Variants in ODF2L observed in about 807,000 individuals in gnomAD.
ODF2L encodes protein BCAP.
In ODF2L, 76 loss-of-function variants were observed where a neutral mutation model predicts 86.3. The ratio of observed to expected loss-of-function variants is 0.88; its 90% CI spans 0.73 to 1.07. The LOEUF (loss-of-function observed/expected upper bound fraction) is 1.07, where lower values mean the gene tolerates loss of function less well. Ranked by LOEUF, ODF2L falls within the 50% of genes least tolerant of loss-of-function variation. The pLI, the probability that ODF2L is intolerant of heterozygous loss-of-function variation, is 0.00. For synonymous variants in ODF2L, 241 were observed against 231.3 expected, an observed-to-expected ratio of 1.04 and a Z score of -0.38; for missense variants, 748 against 717.4, an observed-to-expected ratio of 1.04 and a Z score of -0.49.
intron 7 of ODF2L, among the ~76,000 whole-genome samples, chr1:86,381,031 C>G (rs1660548611): frequency 6.6e-6 from 1 of 150,966 alleles, no homozygotes; most frequent in South Asian, 2.1e-4. Context: ...AATTCTGAAC[C>G]CCTTAATCAC....
intron 14 of ODF2L, chr1:86,355,378 CA>C: frequency 6.5e-7 from 1 of 1,532,598 alleles, no homozygotes; most frequent in Non-Finnish European, 8.8e-7. Flanking sequence ...CCCACTGCTT[CA>C]AAATCTGCTC....
chr1:86,375,603 A>G (rs1660113003), intron 8 of ODF2L, among the ~76,000 whole-genome samples: 1 of 152,302 alleles, frequency 6.6e-6, no homozygotes, highest in East Asian at 1.9e-4. Flanking sequence ...ACAAAGCACT[A>G]AGGCCATTTT....
intron 14 of ODF2L, chr1:86,355,397 T>A (rs1296743199): frequency 2.7e-6 from 4 of 1,503,928 alleles, no homozygotes; most frequent in Non-Finnish European, 3.6e-6. Context: ...CTCTAAATAA[T>A]GTAAGAAGCT....
downstream of ODF2L, chr1:86,347,178 G>T (rs983886213): frequency 1.3e-5 from 2 of 152,206 alleles, no homozygotes; most frequent in African/African-American, 4.8e-5. Flanking sequence ...CACAGCCATG[G>T]TAATTAATCC....
At chr1:86,396,077 G>T (rs949670824) in exon 1 of ODF2L, 1 of 152,502 alleles carries the variant, frequency 6.6e-6, no homozygotes, top group African/African-American at 2.4e-5. Context: ...ACAGCCCGCC[G>T]TCGCCGCGAT....
intron 6 of ODF2L, 42 bp downstream of exon 6, chr1:86,382,889 T>C: frequency 1.1e-6 from 1 of 933,980 alleles, no homozygotes; most frequent in Admixed American, 1.8e-5. Flanking sequence ...GGAGTCAATA[T>C]TAATATAATG....
rs373486073 is a variant in ODF2L at position 86,382,265 on chromosome 1, C to G, written c.601G>C (p.Asp201His). 3 of 1,610,676 alleles carry G rather than the reference C, an allele frequency of 1.9e-6. No homozygotes were observed. The East Asian group carries it at 6.7e-5, about 36-fold the overall frequency. ...ACCTTTACATATTCTTTCAACTTAT[C>G]GTTCTCGGCTTCCCTTTTATGAATT... Residue 201 changes from aspartate to histidine, a missense_variant, in exon 7 of 18, where the codon GAT (aspartate) becomes CAT (histidine). Asp to His is a moderately conservative substitution (Grantham distance 81, BLOSUM62 -1). Transcript: ENST00000317336.
intron 1 of ODF2L, among the ~76,000 whole-genome samples, chr1:86,393,247 G>A (rs1370073287): frequency 2.6e-5 from 4 of 152,060 alleles, no homozygotes; most frequent in Non-Finnish European, 5.9e-5. Context: ...ACTTCCACTG[G>A]CTTCAAACAC....
chr1:86,382,702 T>C (rs376264511), intron 6 of ODF2L, among the ~76,000 whole-genome samples: 6 of 151,882 alleles, frequency 4.0e-5, no homozygotes, highest in Admixed American at 1.3e-4. Flanking sequence ...AGTTCCTATA[T>C]GAAGTGATTT....
Position 86,366,850 on chromosome 1 carries a change from T to C in ODF2L, c.1143+1786A>G, listed in dbSNP as rs79440621. 0.011 allele frequency among the ~76,000 whole-genome samples: 1,674 copies of C among 151,912 alleles called. 65 individuals carry two copies. The East Asian group carries it at 0.11, about 10-fold the overall frequency. ...CAATCTAGGAGGTCCAACAAATCAA[T>C]AATACAATCAGCAGTACACCCAGAC... On this transcript the variant is annotated intron_variant, in intron 11 of 17. Coordinates refer to ENST00000317336, the Ensembl canonical transcript of ODF2L.
chr1:86,375,426 T>C (rs1660099636), intron 8 of ODF2L, among the ~76,000 whole-genome samples: 1 of 152,184 alleles, frequency 6.6e-6, no homozygotes, highest in Non-Finnish European at 1.5e-5. Flanking sequence ...AACAAAATAC[T>C]ACTTTGTTTG....
intron 12 of ODF2L, among the ~76,000 whole-genome samples, chr1:86,359,942 T>C (rs1658913806): frequency 6.6e-6 from 1 of 152,240 alleles, no homozygotes; most frequent in African/African-American, 2.4e-5. Context: ...ATAAAGGTTT[T>C]CTATAAATTA....
chr1:86,350,596 T>A (rs897974647), exon 18 of ODF2L: 2 of 152,360 alleles, frequency 1.3e-5, no homozygotes, highest in Non-Finnish European at 2.9e-5. Context: ...GCATGATTTA[T>A]AGTCCTTTGG....
intron 7 of ODF2L, among the ~76,000 whole-genome samples, chr1:86,378,106 TTTCTGATTAGAAATTTC>T (rs750670590): frequency 1.2e-4 from 19 of 152,352 alleles, no homozygotes; most frequent in Admixed American, 7.2e-4. Context: ...CTTGAATGTT[TTTCTGATTAGAAATTTC>T]TTCTACCAGA....
intron 2 of ODF2L, chr1:86,385,917 A>G (rs868371212): frequency 1.8e-5 from 3 of 170,964 alleles, no homozygotes; most frequent in South Asian, 3.4e-4. Context: ...TTTGTAAAAC[A>G]TAACGGCTCA....
intron 14 of ODF2L, chr1:86,355,120 GAAC>G (rs1167542333): frequency 1.3e-5 from 7 of 544,150 alleles, no homozygotes; most frequent in East Asian, 1.2e-4. Flanking sequence ...AAAACACTTT[GAAC>G]AACACCTTAT....
rs550253957 is a variant in ODF2L at position 86,376,105 on chromosome 1, G to GT, written c.810+127dup. The GT allele has an allele frequency of 1.7e-3, 815 of 478,472 alleles. 5 individuals carry two copies. The highest frequency in any genetic ancestry group is 0.014 in the African/African-American group (718 of 50,894). 29.6% of individuals were successfully genotyped at this position (478,472 alleles called of 1,614,324 possible). Reference sequence around the variant, plus strand: ...AAAGTAAAAGATTAAAGCAAAAAGTGTAAGTTTTTTCTGGTATTAACAGCA... The same window carrying GT: ...AAAGTAAAAGATTAAAGCAAAAAGTGTTAAGTTTTTTCTGGTATTAACAGCA... On this transcript the variant is annotated intron_variant, in intron 8 of 17. Coordinates refer to ENST00000317336, the Ensembl canonical transcript of ODF2L.
At chr1:86,370,658 C>A (rs535835815) in intron 10 of ODF2L, among the ~76,000 whole-genome samples, 1 of 152,242 alleles carries the variant, frequency 6.6e-6, no homozygotes, top group African/African-American at 2.4e-5. Flanking sequence ...TTGGAAAATT[C>A]TTTCTGGTTA....
chr1:86,384,552 CT>C (rs1407105737), intron 4 of ODF2L, 123 bp downstream of exon 4: 1 of 541,670 alleles, frequency 1.8e-6, no homozygotes. Flanking sequence ...GGATTAATGA[CT>C]GACAAAATTC....
Sources: gnomAD v4.1 joint callset for allele counts (sites outside exome capture counted in the v4.1 genomes callset) on GRCh38, gnomAD v4.1.1 for gene constraint, MANE v1.5 for transcripts, NCBI Gene and HGNC (gene_info 2026-07-23, HGNC 2026-07-21) for gene names.